Variants in ZNF280C observed in about 807,000 individuals in gnomAD.
ZNF280C encodes zinc finger protein 280C, also known as suppressor of hairy wing homolog 3.
Under a neutral mutation model 53.6 loss-of-function variants are expected in ZNF280C, and 14 were observed. The ratio of observed to expected loss-of-function variants is 0.26; its 90% confidence interval spans 0.17 to 0.41. The LOEUF is 0.41. Among genes scored for constraint, ZNF280C ranks in the 10% least tolerant of loss-of-function variants. The pLI is 1.00. For synonymous variants in ZNF280C, 203 were observed against 181.1 expected (o/e 1.12, Z -0.97); for missense variants, 416 against 547.1 (o/e 0.76, Z 2.39).
chrX:130,223,040 T>G (rs1341854442), intron 12 of ZNF280C, among the ~76,000 whole-genome samples: 3 of 111,013 alleles, frequency 2.7e-5, no homozygotes, highest in Non-Finnish European at 5.7e-5. Context: ...ACATGCATAC[T>G]ATATGGTTTT....
chrX:130,260,969 A>G (rs1290459050), intron 1 of ZNF280C, among the ~76,000 whole-genome samples: 1 of 112,390 alleles, frequency 8.9e-6, no homozygotes, highest in Non-Finnish European at 1.9e-5. Context: ...ACTGATTCCT[A>G]TTCTTCACAT....
chrX:130,214,800 CTT>C (rs2032081619), intron 15 of ZNF280C, among the ~76,000 whole-genome samples: 1 of 111,748 alleles, frequency 8.9e-6, no homozygotes, highest in African/African-American at 3.2e-5. Flanking sequence ...TTTAAAAACA[CTT>C]TTATCTACAG....
chrX:130,255,112 T>C (rs1603245892), intron 2 of ZNF280C, among the ~76,000 whole-genome samples: 2 of 108,627 alleles, frequency 1.8e-5, no homozygotes, highest in African/African-American at 3.3e-5. Context: ...GAAAACAAGA[T>C]TGGTAGAAAA....
chrX:130,233,311 T>A (rs1221669978), intron 8 of ZNF280C, among the ~76,000 whole-genome samples: 2 of 111,620 alleles, frequency 1.8e-5, no homozygotes, highest in Admixed American at 9.5e-5. Context: ...TTAACAATAC[T>A]GTATTACATA....
intron 15 of ZNF280C, among the ~76,000 whole-genome samples, chrX:130,210,796 T>TA (rs1427542757): frequency 2.7e-5 from 3 of 112,554 alleles, no homozygotes; most frequent in East Asian, 5.5e-4. Flanking sequence ...CTTCCTGTGT[T>TA]AGACAACCAG....
At chrX:130,215,448 T>A in intron 14 of ZNF280C, 115 bp from the exon 15 acceptor site, 1 of 745,573 alleles carries the variant, frequency 1.3e-6, no homozygotes, top group African/African-American at 2.2e-5. Context: ...TATCTTTAAG[T>A]AGACTCATAA....
chrX:130,255,364 T>A (rs1483638629), intron 2 of ZNF280C, among the ~76,000 whole-genome samples: 1 of 104,343 alleles, frequency 9.6e-6, no homozygotes. Flanking sequence ...ATGGTCTCGA[T>A]CTCCTGACCT....
intron 8 of ZNF280C, among the ~76,000 whole-genome samples, chrX:130,232,597 T>C (rs1449048741): frequency 9.0e-6 from 1 of 111,584 alleles, no homozygotes; most frequent in African/African-American, 3.3e-5. Flanking sequence ...GTGCTCAACA[T>C]TGCTAACCAT....
At chrX:130,233,892 A>C (rs1333243451) in intron 8 of ZNF280C, among the ~76,000 whole-genome samples, 1 of 110,640 alleles carries the variant, frequency 9.0e-6, no homozygotes, top group Non-Finnish European at 1.9e-5. Context: ...TACTAAATAA[A>C]GCGTTAAATA....
chrX:130,242,993 A>T (rs2124709471), intron 5 of ZNF280C, among the ~76,000 whole-genome samples: 1 of 111,003 alleles, frequency 9.0e-6, no homozygotes. Context: ...ATACTTTTTC[A>T]CTCATATTTA....
chrX:130,267,024 C>T (rs1035834868), intron 1 of ZNF280C, among the ~76,000 whole-genome samples: 1 of 109,509 alleles, frequency 9.1e-6, no homozygotes, highest in African/African-American at 3.3e-5. Context: ...TCGGTTGAAC[C>T]CGGGAGGCAG....
chrX:130,218,857 T>C (rs1470063027), intron 13 of ZNF280C, among the ~76,000 whole-genome samples: 3 of 111,506 alleles, frequency 2.7e-5, no homozygotes, highest in Non-Finnish European at 5.6e-5. Flanking sequence ...TCTAAAGTGC[T>C]ATAAGACATA....
chrX:130,239,415 T>G (rs754502414), intron 6 of ZNF280C, among the ~76,000 whole-genome samples, 167 bp downstream of exon 6: 2 of 111,687 alleles, frequency 1.8e-5, no homozygotes, highest in South Asian at 7.4e-4. Flanking sequence ...AAATACAATT[T>G]TCTATATCAC....
At chrX:130,253,711 C>A (rs145195419) in intron 2 of ZNF280C, among the ~76,000 whole-genome samples, 201 of 112,096 alleles carry the variant, frequency 1.8e-3, no homozygotes, top group African/African-American at 6.3e-3. Context: ...TAGCCATATG[C>A]AAGAGACTGA....
At chrX:130,243,403 C>T (rs1056021410) in intron 5 of ZNF280C, among the ~76,000 whole-genome samples, 160 bp downstream of exon 5, 2 of 112,114 alleles carry the variant, frequency 1.8e-5, no homozygotes, top group Admixed American at 1.9e-4. Flanking sequence ...AGGCTGGTCT[C>T]GAACTCCTGG....
chrX:130,238,183 A>G (rs930302376), intron 6 of ZNF280C, among the ~76,000 whole-genome samples: 2 of 111,527 alleles, frequency 1.8e-5, no homozygotes, highest in Non-Finnish European at 3.8e-5. Flanking sequence ...GCTTCTGAAC[A>G]TATAGCACAT....
chrX:130,236,052 A>T (rs936182685), intron 8 of ZNF280C, among the ~76,000 whole-genome samples, 162 bp downstream of exon 8: 9 of 112,274 alleles, frequency 8.0e-5, no homozygotes, highest in African/African-American at 2.9e-4. Context: ...ATCTTATATA[A>T]TCATTGTGAA....
intron 12 of ZNF280C, among the ~76,000 whole-genome samples, chrX:130,225,769 A>G (rs1019234814): frequency 2.7e-5 from 3 of 111,766 alleles, no homozygotes; most frequent in Non-Finnish European, 5.6e-5. Flanking sequence ...ATTAACAACT[A>G]TAAGTTGATT....
chrX:130,258,431 T>C (rs1038410407), intron 2 of ZNF280C, among the ~76,000 whole-genome samples: 2 of 111,636 alleles, frequency 1.8e-5, no homozygotes, highest in African/African-American at 6.5e-5. Context: ...AACAAATTGG[T>C]TCCATTCTTT....
Sources: allele counts gnomAD v4.1 joint callset (sites outside exome capture counted in the v4.1 genomes callset), GRCh38; gene constraint gnomAD v4.1.1; transcripts MANE v1.5; gene names NCBI Gene and HGNC (gene_info 2026-07-23, HGNC 2026-07-21).